Variants in PCDHA4 observed in about 807,000 individuals in gnomAD.
PCDHA4 encodes protocadherin alpha 4.
Under a neutral mutation model 61.4 loss-of-function variants are expected in PCDHA4, and 49 were observed. The ratio of observed to expected loss-of-function variants is 0.80; its 90% confidence interval spans 0.63 to 1.01. PCDHA4 has a LOEUF of 1.01. Among genes scored for constraint, PCDHA4 ranks in the 50% least tolerant of loss-of-function variants. PCDHA4 has a pLI of 0.00. For missense variants in PCDHA4, 1,254 were observed against 1,235.8 expected, an observed-to-expected ratio of 1.01 and a Z score of -0.22; for synonymous variants, 590 against 550.3, an observed-to-expected ratio of 1.07 and a Z score of -1.01.
chr5:140,882,116 GTTTC>G (rs1420968771), intron 1 of PCDHA4: 4 of 1,427,956 alleles, frequency 2.8e-6, no homozygotes, highest in South Asian at 1.4e-5. Flanking sequence ...GAAAGCCGCC[GTTTC>G]TTTCTTCCTG....
rs2150236646 is a variant in PCDHA4 at position 140,835,485 on chromosome 5, G to T, written c.2385+25913G>T. On this transcript the variant is annotated intron_variant, in intron 1 of 3. Transcript: ENST00000530339. ...TCCAGAGGACGCCCAACCAGGTACC[G>T]TCATCACATTGATTAGCGTGTTTGA... The T allele has an allele frequency of 3.8e-5, 62 of 1,613,778 alleles. 1 individual carries two copies. Among genetic ancestry groups the T allele is most frequent in the South Asian group, 9.9e-5 (9 of 91,074 alleles).
At chr5:141,008,684 G>C (rs1426948038) in intron 3 of PCDHA4, among the ~76,000 whole-genome samples, 1 of 152,118 alleles carries the variant, frequency 6.6e-6, no homozygotes, top group Admixed American at 6.5e-5. Context: ...TTTAGTTATT[G>C]CATGTATTAA....
At chr5:140,823,742 C>A (rs1767853747) in intron 1 of PCDHA4, 5 of 1,613,716 alleles carry the variant, frequency 3.1e-6, no homozygotes, top group East Asian at 2.2e-5. Flanking sequence ...CATGGAGAGC[C>A]CCCGCTGACA....
rs1458420006 is a variant in PCDHA4 at position 140,928,100 on chromosome 5, T to A, written c.2386-50849T>A. On this transcript the variant is annotated intron_variant, in intron 1 of 3. Transcript: ENST00000530339. Reference sequence around the variant, plus strand: ...TACAGCCTGCTGATTGATGGGCCCCTGGACCGGGAGCAGATCAGTGAATAC... The same window carrying A: ...TACAGCCTGCTGATTGATGGGCCCCAGGACCGGGAGCAGATCAGTGAATAC... 2.3e-5 allele frequency: 37 copies of A among 1,614,090 alleles called. No individual in the cohort carries two copies. Among genetic ancestry groups the A allele is most frequent in the Non-Finnish European group, 2.9e-5 (34 of 1,180,048 alleles).
In PCDHA4 at chr5:140,808,801, C is replaced by T. The variant is rs1764266687; in HGVS notation, c.1614C>T (p.Arg538=). ...LELLQFQVTA[R]DAGVPPLGSN... Reference sequence around the variant, plus strand: ...TGCTGCAGTTTCAGGTGACCGCTCGCGATGCCGGCGTGCCACCTCTGGGCA... The same window carrying T: ...TGCTGCAGTTTCAGGTGACCGCTCGTGATGCCGGCGTGCCACCTCTGGGCA... The change falls in exon 1 of 4, where the codon CGC becomes CGT. Residue 538 remains arginine (R), a synonymous_variant. Transcript: ENST00000530339. 1 of 1,612,654 alleles carries T rather than the reference C, an allele frequency of 6.2e-7. No homozygotes were observed. Among genetic ancestry groups the T allele is most frequent in the Non-Finnish European group, 8.5e-7 (1 of 1,179,856 alleles).
rs1554149344 is a variant in PCDHA4, at chr5:140,856,961, G to C, written c.2385+47389G>C. 5.0e-6 allele frequency: 8 copies of C among 1,590,776 alleles called. 2 individuals carry two copies. The highest frequency in any genetic ancestry group is 3.4e-5 in the Admixed American group (2 of 59,226). ...AAGGACGGGAGAAATAAAAGTAAATGATGCTATTGACTTTGAGGACAGTAA... is the reference window on the plus strand; with the variant it reads ...AAGGACGGGAGAAATAAAAGTAAATCATGCTATTGACTTTGAGGACAGTAA... On this transcript the variant is annotated intron_variant, in intron 1 of 3. Transcript: ENST00000530339.
At chr5:141,000,395 CTA>C (rs1190667031) in intron 3 of PCDHA4, among the ~76,000 whole-genome samples, 91 of 53,954 alleles carry the variant, frequency 1.7e-3, no homozygotes, top group Admixed American at 3.8e-3. Flanking sequence ...CTCTCTCTCT[CTA>C]TATATATATA....
chr5:140,991,445 A>G (rs1352709310), intron 3 of PCDHA4, among the ~76,000 whole-genome samples: 1 of 152,222 alleles, frequency 6.6e-6, no homozygotes, highest in African/African-American at 2.4e-5. Flanking sequence ...CATGGCTTAA[A>G]ACAACACAAT....
intron 1 of PCDHA4, among the ~76,000 whole-genome samples, chr5:140,838,702 G>A (rs1775843777): frequency 6.6e-6 from 1 of 152,008 alleles, no homozygotes; most frequent in South Asian, 2.1e-4. Context: ...TCGGGAGGCC[G>A]AGGCAGGAGG....
At chr5:140,951,407 A>C (rs115221257) in intron 1 of PCDHA4, among the ~76,000 whole-genome samples, 1 of 152,068 alleles carries the variant, frequency 6.6e-6, no homozygotes, top group Admixed American at 6.6e-5. Flanking sequence ...AAAGAGGTTT[A>C]ATTGGCTCAC....
At chr5:140,968,990 T>C in intron 1 of PCDHA4, 1 of 1,614,254 alleles carries the variant, frequency 6.2e-7, no homozygotes, top group Non-Finnish European at 8.5e-7. Flanking sequence ...CACTGCATGC[T>C]GTGGAGGCTT....
chr5:140,981,626 T>A (rs1199717691), intron 2 of PCDHA4, among the ~76,000 whole-genome samples: 1 of 152,176 alleles, frequency 6.6e-6, no homozygotes, highest in Middle Eastern at 3.2e-3. Flanking sequence ...GAGGGTTTTC[T>A]TGGACATTTT....
Position 140,835,427 on chromosome 5 carries a change from A to G in PCDHA4, c.2385+25855A>G, listed in dbSNP as rs2150235532. The stretch of plus-strand genomic sequence containing the variant: ...TTGTGGATGTAAATGACAATGCTCC[A>G]CAGTTGACTCTCACTTCCCTGTCTC... On this transcript the variant is annotated intron_variant, in intron 1 of 3. Transcript: ENST00000530339. The G allele has an allele frequency of 7.4e-6, 12 of 1,613,812 alleles. No homozygotes were observed. In the Admixed American group the frequency reaches 1.5e-4, roughly 20 times the overall value.
rs999939821 is a variant in PCDHA4, at chr5:140,972,909, G to A, written c.2386-6040G>A. ...GATCTCTTGACCTTGTGATCCACCC[G>A]CCTTGGCCTCCCAAAGTGCTGGGAT... is the stretch of plus-strand genomic sequence containing the variant. On this transcript the variant is annotated intron_variant, in intron 1 of 3. Transcript: ENST00000530339. 5.3e-4 allele frequency among the ~76,000 whole-genome samples: 80 copies of A among 152,056 alleles called. 1 individual carries two copies. Among genetic ancestry groups the A allele is most frequent in the African/African-American group, 1.8e-3 (75 of 41,484 alleles).
chr5:140,842,478 C>T (rs449407), intron 1 of PCDHA4: 1 of 1,613,928 alleles, frequency 6.2e-7, no homozygotes, highest in East Asian at 2.2e-5. Flanking sequence ...GGGCAGGTGA[C>T]CTGCTCCCTG....
chr5:140,817,499 T>G (rs1278332706), intron 1 of PCDHA4: 1 of 152,358 alleles, frequency 6.6e-6, no homozygotes, highest in African/African-American at 2.4e-5. Context: ...CTATATATGC[T>G]TTTACAAATT....
intron 1 of PCDHA4, among the ~76,000 whole-genome samples, chr5:140,840,298 T>C (rs1378373140): frequency 6.6e-6 from 1 of 152,042 alleles, no homozygotes; most frequent in African/African-American, 2.4e-5. Context: ...ATTGATTAGA[T>C]ATTCTTTTAA....
At chr5:140,869,258 TG>T in intron 1 of PCDHA4, 1 of 1,613,558 alleles carries the variant, frequency 6.2e-7, no homozygotes, top group Non-Finnish European at 8.5e-7. Context: ...GCGCAGGACC[TG>T]GGGCTGGAGC....
At chr5:140,988,860 T>C (rs1270376752) in intron 3 of PCDHA4, 2 of 152,204 alleles carry the variant, frequency 1.3e-5, no homozygotes, top group South Asian at 2.1e-4. Flanking sequence ...TCCAGTCTCA[T>C]GTGCACTCAG....
Sources: gnomAD v4.1 joint callset for allele counts (sites outside exome capture counted in the v4.1 genomes callset) on GRCh38, gnomAD v4.1.1 for gene constraint, MANE v1.5 for transcripts, NCBI Gene and HGNC (gene_info 2026-07-23, HGNC 2026-07-21) for gene names.